ANXA4: variants seen among roughly 807,000 people sequenced by gnomAD.
ANXA4 encodes annexin A4.
ANXA4 carries 39 observed loss-of-function variants against 49.8 expected under a neutral mutation model. The ratio of observed to expected loss-of-function variants is 0.78; its 90% confidence interval spans 0.61 to 1.02. ANXA4 has a LOEUF of 1.02. Among genes scored for constraint, ANXA4 ranks in the 50% least tolerant of loss-of-function variants. The pLI is 0.00. For synonymous variants in ANXA4, 134 were observed against 152.5 expected (o/e 0.88, Z 0.89); for missense variants, 360 against 410.1 (o/e 0.88, Z 1.05).
Position 69,789,069 on chromosome 2 carries a change from G to A in ANXA4, c.97+928G>A, listed in dbSNP as rs111631364. On this transcript the variant is annotated intron_variant, in intron 3 of 12. Coordinates refer to ENST00000394295, the MANE Select transcript of ANXA4 (RefSeq NM_001153.5). ...CTTTGAATTACGACATCATGAATCTGCATATTAAATTTTAGAAATGTATTT... is the reference window on the plus strand; with the variant it reads ...CTTTGAATTACGACATCATGAATCTACATATTAAATTTTAGAAATGTATTT... 3.1e-3 allele frequency among the ~76,000 whole-genome samples: 468 copies of A among 152,252 alleles called. 5 individuals are homozygous for A. The highest frequency in any genetic ancestry group is 0.024 in the Middle Eastern group (7 of 294).
At chr2:69,777,685 C>G (rs1385622776) in intron 1 of ANXA4, among the ~76,000 whole-genome samples, 1 of 152,238 alleles carries the variant, frequency 6.6e-6, no homozygotes, top group Non-Finnish European at 1.5e-5. Flanking sequence ...AAGCCAATTT[C>G]TGCTGCAGGG....
At chr2:69,731,372 G>A (rs979649755) in intron 3 of ANXA4, among the ~76,000 whole-genome samples, 1 of 152,184 alleles carries the variant, frequency 6.6e-6, no homozygotes, top group African/African-American at 2.4e-5. Context: ...CTTAGCTCAA[G>A]CTGAAAGCTC....
intron 2 of ANXA4, among the ~76,000 whole-genome samples, chr2:69,706,840 C>T (rs1031159306): frequency 1.3e-5 from 2 of 152,080 alleles, no homozygotes; most frequent in East Asian, 3.9e-4. Context: ...TTGTTATGGC[C>T]GAATAATTTC....
At chr2:69,791,375 G>A (rs1045955822) in intron 3 of ANXA4, among the ~76,000 whole-genome samples, 16 of 152,102 alleles carry the variant, frequency 1.1e-4, no homozygotes. Flanking sequence ...ATTGTGTTTT[G>A]TTGCAAGAGA....
intron 3 of ANXA4, among the ~76,000 whole-genome samples, chr2:69,723,677 A>G (rs1669881709): frequency 6.6e-6 from 1 of 152,228 alleles, no homozygotes; most frequent in South Asian, 2.1e-4. Context: ...CCCACACTAC[A>G]GTCTTTTATG....
chr2:69,783,625 T>C (rs920986984), intron 2 of ANXA4, among the ~76,000 whole-genome samples: 2 of 152,242 alleles, frequency 1.3e-5, no homozygotes, highest in African/African-American at 2.4e-5. Context: ...TATAGTGAAA[T>C]GCACATCCTT....
intron 2 of ANXA4, among the ~76,000 whole-genome samples, chr2:69,680,105 A>AT (rs1677545350): frequency 6.6e-6 from 1 of 152,132 alleles, no homozygotes; most frequent in Non-Finnish European, 1.5e-5. Flanking sequence ...TAGTTTGGTC[A>AT]TTTTAAGAGC....
chr2:69,644,172 C>CCCCCCCCCCCCG (rs1675903072), upstream of ANXA4, among the ~76,000 whole-genome samples: 2 of 54,090 alleles, frequency 3.7e-5, no homozygotes, highest in African/African-American at 1.1e-4. Context: ...AGTTCCCCCC[C>CCCCCCCCCCCCG]CCCCCCCCCC....
Position 69,826,168 on chromosome 2 carries a change from C to T in ANXA4, c.*653C>T, listed in dbSNP as rs566332188. Reference sequence around the variant, plus strand: ...AACTAAATTCTAAAGTATGGTTATACAAACCATATACATCTGGTTACCAAA... The same window carrying T: ...AACTAAATTCTAAAGTATGGTTATATAAACCATATACATCTGGTTACCAAA... On this transcript the variant is annotated 3_prime_UTR_variant, in exon 13 of 13. Coordinates refer to ENST00000394295, the MANE Select transcript of ANXA4 (RefSeq NM_001153.5). 1.3e-5 allele frequency: 2 copies of T among 152,626 alleles called. No homozygotes were observed. The highest frequency in any genetic ancestry group is 4.8e-5 in the African/African-American group (2 of 41,514). 9.5% of individuals were successfully genotyped at this position (152,626 alleles called of 1,614,324 possible).
intron 2 of ANXA4, among the ~76,000 whole-genome samples, chr2:69,704,845 CT>C (rs1250375544): frequency 6.6e-6 from 1 of 152,102 alleles, no homozygotes. Flanking sequence ...CCTAACATTT[CT>C]TTTTGGCCTA....
chr2:69,761,519 T>TAAATA (rs58721464), intron 1 of ANXA4, among the ~76,000 whole-genome samples: 1 of 151,682 alleles, frequency 6.6e-6, no homozygotes, highest in African/African-American at 2.4e-5. Flanking sequence ...CTTTCCAAGT[T>TAAATA]AATTCACGAA....
intron 3 of ANXA4, among the ~76,000 whole-genome samples, chr2:69,788,601 G>A (rs1343059633): frequency 6.6e-6 from 1 of 152,114 alleles, no homozygotes; most frequent in Non-Finnish European, 1.5e-5. Flanking sequence ...ACTTTGGGAG[G>A]CTGAGGCGGG....
intron 7 of ANXA4, 142 bp from the exon 8 acceptor site, chr2:69,812,511 A>G: frequency 1.6e-6 from 1 of 637,860 alleles, no homozygotes; most frequent in Non-Finnish European, 2.7e-6. Context: ...CATTTAGAGG[A>G]CGTCTGTCCT....
At chr2:69,690,044 T>G (rs1378685120) in intron 2 of ANXA4, among the ~76,000 whole-genome samples, 1 of 152,202 alleles carries the variant, frequency 6.6e-6, no homozygotes, top group East Asian at 1.9e-4. Context: ...AGTCTAAGGA[T>G]CACTCCATAT....
At chr2:69,714,541 T>C (rs945448829) in intron 2 of ANXA4, among the ~76,000 whole-genome samples, 1 of 152,190 alleles carries the variant, frequency 6.6e-6, no homozygotes, top group Non-Finnish European at 1.5e-5. Context: ...TGCCCATCAG[T>C]GTATCAAACC....
At chr2:69,802,495 A>G (rs6755068) in intron 3 of ANXA4, among the ~76,000 whole-genome samples, 72,162 of 151,928 alleles carry the variant, frequency 0.47, 21,493 homozygotes, top group African/African-American at 0.82. Context: ...GGCAGAGCAC[A>G]AGGTCAAAAG....
At chr2:69,796,462 C>G (rs1672949225) in intron 3 of ANXA4, among the ~76,000 whole-genome samples, 1 of 152,182 alleles carries the variant, frequency 6.6e-6, no homozygotes, top group East Asian at 1.9e-4. Flanking sequence ...CAGGAGCTGC[C>G]TGCTTTTTGG....
intron 2 of ANXA4, among the ~76,000 whole-genome samples, chr2:69,671,457 C>G (rs1677184815): frequency 6.6e-6 from 1 of 152,152 alleles, no homozygotes; most frequent in South Asian, 2.1e-4. Flanking sequence ...TGGCTCATGC[C>G]CATAATCCCA....
chr2:69,723,975 C>A (rs1436450748), intron 3 of ANXA4, among the ~76,000 whole-genome samples: 7 of 152,252 alleles, frequency 4.6e-5, no homozygotes, highest in Admixed American at 2.0e-4. Flanking sequence ...TGAAATGGGG[C>A]CGGGCGCGGT....
Sources: gnomAD v4.1 joint callset for allele counts (sites outside exome capture counted in the v4.1 genomes callset) on GRCh38, gnomAD v4.1.1 for gene constraint, MANE v1.5 for transcripts, NCBI Gene and HGNC (gene_info 2026-07-23, HGNC 2026-07-21) for gene names.